Variants in CORO7 observed in about 807,000 individuals in gnomAD.
CORO7 encodes coronin-7.
In CORO7, 107 loss-of-function variants were observed where a neutral mutation model predicts 126.6. That is an observed-to-expected ratio of 0.85 (90% CI 0.72 to 0.99). The LOEUF (loss-of-function observed/expected upper bound fraction) is 0.99, where lower values mean the gene tolerates loss of function less well. Ranked by LOEUF, CORO7 falls within the 50% of genes least tolerant of loss-of-function variation. The pLI is 0.00. For synonymous variants in CORO7, 603 were observed against 536.8 expected, an observed-to-expected ratio of 1.12 and a Z score of -1.70; for missense variants, 1,314 against 1,255.8, an observed-to-expected ratio of 1.05 and a Z score of -0.70.
Position 4,358,411 on chromosome 16 carries a change from G to C in CORO7, c.2413C>G (p.Gln805Glu). ...VELMRCLRLR[Q>E]SSLEPVAFRL... ...AAGGCCACAGGCTCCAGGGAGGACT[G>C]ACGCAGCCGCAGGCACCGCATCAGC... Residue 805 changes from glutamine to glutamate, a missense_variant, in exon 24 of 28, where the codon CAG becomes GAG. Gln to Glu is a conservative substitution (Grantham distance 29). Coordinates refer to ENST00000251166, the MANE Select transcript of CORO7 (RefSeq NM_024535.5). 1 of 1,612,598 alleles carries C rather than the reference G, an allele frequency of 6.2e-7. No individual in the cohort carries two copies. The highest frequency in any genetic ancestry group is 8.5e-7 in the Non-Finnish European group (1 of 1,179,754).
In CORO7 at chr16:4,364,321, G is replaced by A. The variant is rs761176785; in HGVS notation, c.1230C>T (p.Ala410=). The change falls in exon 14 of 28, where the codon GCC becomes GCT. Residue 410 remains alanine (A), a synonymous_variant. Transcript: ENST00000251166. The part of the protein sequence containing the change: ...VPPAEPLPDT[A]QPAVMETPVG... ...CGGGTGTCTCCATCACCGCAGGCTG[G>A]GCTGTGTCAGGGAGGGGCTCCGCAG... 10 of 1,542,872 alleles carry A rather than the reference G, an allele frequency of 6.5e-6. No homozygotes were observed. Among genetic ancestry groups the A allele is most frequent in the Non-Finnish European group, 8.7e-6 (10 of 1,149,058 alleles).
At chr16:4,392,916 T>C (rs2055446802) in intron 7 of CORO7, among the ~76,000 whole-genome samples, 1 of 152,156 alleles carries the variant, frequency 6.6e-6, no homozygotes. Context: ...CCAGGTCTCC[T>C]CGCCCCAAAG....
Position 4,390,653 on chromosome 16 carries a change from G to A in CORO7, c.616-2022C>T, listed in dbSNP as rs774669254. Among the ~76,000 whole-genome samples, 82 of 152,186 alleles carry A rather than the reference G, an allele frequency of 5.4e-4. 3 individuals carry two copies. Among genetic ancestry groups the A allele is most frequent in the Non-Finnish European group, 4.4e-4 (30 of 68,022 alleles). ...CTGCCACTGAGCACTTTTCACCTAG[G>A]GGCACAGGCTAAGGCTAGGGGTGGG... is the stretch of plus-strand genomic sequence containing the variant. On this transcript the variant is annotated intron_variant, in intron 7 of 27. Coordinates refer to ENST00000251166, the MANE Select transcript of CORO7 (RefSeq NM_024535.5).
At chr16:4,356,218 G>A (rs1045762275) in intron 26 of CORO7, among the ~76,000 whole-genome samples, 5 of 152,120 alleles carry the variant, frequency 3.3e-5, no homozygotes, top group Non-Finnish European at 4.4e-5. Context: ...CTCCCAAAGT[G>A]CTGGGATTAC....
intron 6 of CORO7, among the ~76,000 whole-genome samples, chr16:4,397,672 G>T: frequency 6.6e-6 from 1 of 152,058 alleles, no homozygotes; most frequent in Admixed American, 6.5e-5. Context: ...GGAGTGCAGT[G>T]GCGCGATCTC....
intron 19 of CORO7, 84 bp downstream of exon 19, chr16:4,360,859 C>A: frequency 2.2e-5 from 33 of 1,527,024 alleles, no homozygotes; most frequent in Non-Finnish European, 2.9e-5. Flanking sequence ...GCTGGCCCCG[C>A]CACTCCTCAC....
At chr16:4,381,215 A>T in intron 9 of CORO7, 2 of 1,612,278 alleles carry the variant, frequency 1.2e-6, no homozygotes, top group South Asian at 2.2e-5. Flanking sequence ...AACAGGCTGC[A>T]TGAAATCACC....
rs1424944269 is a variant in CORO7, at chr16:4,355,037, G to C, written c.*121C>G. 1 of 1,131,632 alleles carries C rather than the reference G, an allele frequency of 8.8e-7. No homozygotes were observed. Among genetic ancestry groups the C allele is most frequent in the African/African-American group, 1.6e-5 (1 of 63,742 alleles). 70.1% of individuals were successfully genotyped at this position (1,131,632 alleles called of 1,614,324 possible). The stretch of plus-strand genomic sequence containing the variant: ...AGGATGTGGAAGTGCCCACGGGAAG[G>C]CAGGAGTGCAGGGGTGACATGTGCC... On this transcript the variant is annotated 3_prime_UTR_variant, in exon 28 of 28. Coordinates refer to ENST00000251166, the MANE Select transcript of CORO7 (RefSeq NM_024535.5).
At position 4,382,157 on chromosome 16, in the gene CORO7, A is replaced by G. The variant is rs769849298; in HGVS notation, c.785+5829T>C. 23 of 1,592,974 alleles carry G rather than the reference A, an allele frequency of 1.4e-5. No homozygotes were observed. In the African/African-American group the frequency reaches 3.1e-4, roughly 21 times the overall value. ...ACATGCCACCTGGGGACACGGCACC[A>G]CCTGGCGTGCTTGTGCCCCGAAGGC... is the stretch of plus-strand genomic sequence containing the variant. On this transcript the variant is annotated intron_variant, in intron 9 of 27. Coordinates refer to ENST00000251166, the MANE Select transcript of CORO7 (RefSeq NM_024535.5).
intron 7 of CORO7, among the ~76,000 whole-genome samples, chr16:4,391,574 C>A (rs2055391456): frequency 6.6e-6 from 1 of 152,074 alleles, no homozygotes. Context: ...AACAAACAAA[C>A]AACCCAACTA....
intron 6 of CORO7, among the ~76,000 whole-genome samples, chr16:4,402,456 G>A (rs560612126): frequency 1.3e-5 from 2 of 151,118 alleles, no homozygotes; most frequent in Admixed American, 6.6e-5. Flanking sequence ...CATGTTGCCC[G>A]GGCTGATCTT....
intron 9 of CORO7, chr16:4,382,697 C>T (rs1052389571): frequency 1.3e-6 from 2 of 1,546,982 alleles, no homozygotes; most frequent in East Asian, 4.9e-5. Context: ...GCCATGGCAG[C>T]AGCGGCTCAG....
At chr16:4,409,626 A>G (rs2056129556) in intron 3 of CORO7, among the ~76,000 whole-genome samples, 1 of 152,252 alleles carries the variant, frequency 6.6e-6, no homozygotes, top group Admixed American at 6.5e-5. Context: ...CACGCGGCTA[A>G]GAGACAGGGC....
rs766074259 is a variant in CORO7 at position 4,387,994 on chromosome 16, G to A, written c.777C>T (p.Thr259=). ...CGTGCCGCAGCTCCTACCCAAGCGA[G>A]GTGTCCAAGGTGAGGGAGGCCAGGG... The part of the protein sequence containing the change: ...SSALASLTLD[T]SLGCLVPLLD... Residue 259 remains threonine, a synonymous_variant, in exon 9 of 28, where the codon ACC becomes ACT. Transcript: ENST00000251166. 2 of 1,613,066 alleles carry A rather than the reference G, an allele frequency of 1.2e-6. No homozygotes were observed. The highest frequency in any genetic ancestry group is 1.7e-5 in the Admixed American group (1 of 60,004).
In CORO7 at chr16:4,362,960, C is replaced by T. The variant is rs965263704; in HGVS notation, c.1276-222G>A. 2 of 430,034 alleles carry T rather than the reference C, an allele frequency of 4.7e-6. No homozygotes were observed. The highest frequency in any genetic ancestry group is 4.4e-5 in the Admixed American group (1 of 22,774). The allele number at this position is 430,034 out of a possible 1,614,324, so 26.6% of individuals were successfully genotyped here. ...GGGGACAGCAAGTGGCAGCTGCTGG[C>T]TCCCAGCCCTGCAGGAGGGTGTGCC... On this transcript the variant is annotated intron_variant, in intron 14 of 27. Coordinates refer to ENST00000251166, the MANE Select transcript of CORO7 (RefSeq NM_024535.5). This position sits in a 1 kb window ranked among gnomAD's most constrained non-coding sequence, Gnocchi z 5.3.
intron 9 of CORO7, among the ~76,000 whole-genome samples, chr16:4,379,622 G>A (rs1326025781): frequency 5.3e-5 from 8 of 152,040 alleles, no homozygotes; most frequent in South Asian, 2.1e-4. Context: ...CTGAGGTGAC[G>A]GTAAACACTT....
Position 4,355,152 on chromosome 16 carries a change from C to T in CORO7, c.*6G>A, listed in dbSNP as rs565553386. The stretch of plus-strand genomic sequence containing the variant: ...ACAGGTGAGGTGGAGGTGACGGGGG[C>T]GCAGGCTAGTCCTGGGGCGAAACAC... On this transcript the variant is annotated 3_prime_UTR_variant, in exon 28 of 28. Coordinates refer to ENST00000251166, the MANE Select transcript of CORO7 (RefSeq NM_024535.5). 6.4e-5 allele frequency: 96 copies of T among 1,511,356 alleles called. No individual in the cohort carries two copies. The South Asian group carries it at 1.0e-3, about 16-fold the overall frequency. 93.6% of individuals were successfully genotyped at this position (1,511,356 alleles called of 1,614,324 possible). A position where few individuals can be genotyped will look rare whatever the true frequency, so the allele number is the denominator to read the frequency against.
intron 6 of CORO7, among the ~76,000 whole-genome samples, 176 bp downstream of exon 6, chr16:4,405,315 A>C (rs1181234215): frequency 2.0e-5 from 3 of 152,228 alleles, no homozygotes; most frequent in African/African-American, 7.2e-5. Flanking sequence ...AGGGGCTTCC[A>C]GATGTAGGTG....
In CORO7 at chr16:4,364,389, C is replaced by T. The variant is rs745556264; in HGVS notation, c.1162G>A (p.Ala388Thr). The change falls in exon 14 of 28, where the codon GCC becomes ACC. Residue 388 changes from alanine to threonine, a missense_variant. By Grantham distance (58) the Ala-to-Thr change is moderately conservative. Coordinates refer to ENST00000251166, the MANE Select transcript of CORO7 (RefSeq NM_024535.5). ...QQVQKVSLNP[A>T]CRPHPSFTSC... ...GTGAAGCTCGGGTGGGGCCGGCAGG[C>T]GGGGTTGAGGCTGACCTTCTGCACC... 1.7e-5 allele frequency: 25 copies of T among 1,510,674 alleles called. No homozygotes were observed. The highest frequency in any genetic ancestry group is 1.1e-4 in the South Asian group (8 of 74,640). The allele number at this position is 1,510,674 out of a possible 1,614,324, so 93.6% of individuals were successfully genotyped here.
Sources: gnomAD v4.1 joint callset for allele counts (sites outside exome capture counted in the v4.1 genomes callset) on GRCh38, gnomAD v4.1.1 for gene constraint, Gnocchi (gnomAD v3.1) non-coding constraint, MANE v1.5 for transcripts, NCBI Gene and HGNC (gene_info 2026-07-23, HGNC 2026-07-21) for gene names.